RBFOX1: variants seen among roughly 807,000 people sequenced by gnomAD.
The protein encoded by RBFOX1 is RNA binding protein fox-1 homolog 1.
A neutral mutation model predicts 57.7 loss-of-function variants in RBFOX1; 8 were observed. That is an observed-to-expected ratio of 0.14 (90% CI 0.08 to 0.25). The LOEUF is 0.25. RBFOX1 is among the 10% of genes least tolerant of loss of function. RBFOX1 has a pLI of 1.00. For missense variants in RBFOX1, 611 were observed against 548.5 expected, an observed-to-expected ratio of 1.11 and a Z score of -1.14; for synonymous variants, 326 against 222.4, an observed-to-expected ratio of 1.47 and a Z score of -4.15.
At chr16:6,739,504 C>T (rs76458299) in intron 3 of RBFOX1, among the ~76,000 whole-genome samples, 1,912 of 137,052 alleles carry the variant, frequency 0.014, 56 homozygotes, top group African/African-American at 0.048. Context: ...AGGGAATCTC[C>T]GGTCTAAATG....
chr16:5,489,845 C>T (rs1181263461), intron 2 of RBFOX1, among the ~76,000 whole-genome samples: 1 of 152,180 alleles, frequency 6.6e-6, no homozygotes, highest in Non-Finnish European at 1.5e-5. Flanking sequence ...TCTGAACTCC[C>T]AAGCTGTCTT....
chr16:6,507,242 C>T (rs2096124360), intron 2 of RBFOX1, among the ~76,000 whole-genome samples: 3 of 152,186 alleles, frequency 2.0e-5, no homozygotes, highest in Non-Finnish European at 4.4e-5. Context: ...GACAAAATTA[C>T]TTAAAACATA....
At chr16:6,599,714 C>T (rs1419816127) in intron 2 of RBFOX1, among the ~76,000 whole-genome samples, 1 of 152,208 alleles carries the variant, frequency 6.6e-6, no homozygotes, top group African/African-American at 2.4e-5. Flanking sequence ...CTCCACTACT[C>T]TGTTTCCCAT....
At chr16:7,332,246 T>C (rs1174884945) in intron 4 of RBFOX1, among the ~76,000 whole-genome samples, 2 of 152,214 alleles carry the variant, frequency 1.3e-5, no homozygotes, top group African/African-American at 2.4e-5. Flanking sequence ...CCATTTGTTA[T>C]ATGGGACTGA....
intron 4 of RBFOX1, among the ~76,000 whole-genome samples, chr16:5,906,463 A>G (rs1478203303): frequency 6.6e-6 from 1 of 152,184 alleles, no homozygotes; most frequent in Non-Finnish European, 1.5e-5. Context: ...CAGTCCTCAG[A>G]AGGAACCAAA....
chr16:6,891,080 G>C (rs984041314), intron 3 of RBFOX1, among the ~76,000 whole-genome samples: 4 of 152,120 alleles, frequency 2.6e-5, no homozygotes, highest in Admixed American at 2.0e-4. Context: ...ATTGTTTGTT[G>C]ACACCAGGCG....
intron 4 of RBFOX1, among the ~76,000 whole-genome samples, chr16:7,434,760 G>A (rs1365661787): frequency 2.0e-5 from 3 of 149,378 alleles, no homozygotes; most frequent in African/African-American, 7.4e-5. Context: ...TCTTTCCTGA[G>A]ATTGAGCCTC....
chr16:6,918,279 C>G (rs921287692), intron 3 of RBFOX1, among the ~76,000 whole-genome samples: 3 of 117,338 alleles, frequency 2.6e-5, no homozygotes, highest in Non-Finnish European at 5.4e-5. Context: ...AAGACTCCAT[C>G]TCAAAAAAAA....
chr16:6,998,091 C>T (rs2092423301), intron 3 of RBFOX1, among the ~76,000 whole-genome samples: 1 of 151,840 alleles, frequency 6.6e-6, no homozygotes, highest in African/African-American at 2.4e-5. Context: ...AATATATGTA[C>T]ATTATATTTA....
chr16:5,341,411 G>T (rs11859990), intron 1 of RBFOX1, among the ~76,000 whole-genome samples: 9,214 of 152,246 alleles, frequency 0.061, 915 homozygotes, highest in African/African-American at 0.21. Flanking sequence ...GAGATCATGG[G>T]GGGTAGAATG....
At chr16:5,857,066 G>A (rs1202715350) in intron 3 of RBFOX1, among the ~76,000 whole-genome samples, 1 of 152,152 alleles carries the variant, frequency 6.6e-6, no homozygotes, top group African/African-American at 2.4e-5. Flanking sequence ...GATTCAAGGT[G>A]AGAAACATGT....
chr16:6,911,258 C>T (rs571410294), intron 3 of RBFOX1, among the ~76,000 whole-genome samples: 9 of 151,364 alleles, frequency 5.9e-5, no homozygotes, highest in East Asian at 1.9e-4. Flanking sequence ...GCGTTAGTTT[C>T]CCAGGACTGC....
intron 1 of RBFOX1, among the ~76,000 whole-genome samples, chr16:6,114,131 A>G (rs1384729199): frequency 2.0e-5 from 3 of 152,194 alleles, no homozygotes; most frequent in Admixed American, 1.3e-4. Flanking sequence ...TCACAAAGAA[A>G]AAAGTTTTGT....
intron 4 of RBFOX1, among the ~76,000 whole-genome samples, chr16:5,930,987 T>C (rs909309891): frequency 1.3e-5 from 2 of 151,128 alleles, no homozygotes; most frequent in African/African-American, 4.9e-5. Context: ...GATGGATGCA[T>C]GGATGGGTAG....
rs144680402 is a variant in RBFOX1 at position 7,207,890 on chromosome 16, G to A, written c.27+155792G>A. Among the ~76,000 whole-genome samples the A allele has an allele frequency of 1.8e-3, 281 of 152,302 alleles. 1 individual carries two copies. Among genetic ancestry groups the A allele is most frequent in the African/African-American group, 6.3e-3 (263 of 41,560 alleles). On this transcript the variant is annotated intron_variant, in intron 4 of 15. Transcript: ENST00000550418. ...GCTAAGGAGAAGATAAATGGTGACA[G>A]TGAGAGTTGAACTCCACAGGGTGCA...
intron 3 of RBFOX1, among the ~76,000 whole-genome samples, chr16:6,790,123 G>C (rs1300480444): frequency 6.8e-6 from 1 of 146,740 alleles, no homozygotes; most frequent in Non-Finnish European, 1.5e-5. Context: ...ATTTTCTTCT[G>C]GTTCTGATTT....
At chr16:7,596,514 C>T (rs1294186907) in intron 8 of RBFOX1, among the ~76,000 whole-genome samples, 1 of 152,122 alleles carries the variant, frequency 6.6e-6, no homozygotes, top group South Asian at 2.1e-4. Context: ...CCCATGCTGG[C>T]GATGGTGGTG....
At chr16:6,912,015 C>T (rs1399606956) in intron 3 of RBFOX1, among the ~76,000 whole-genome samples, 4 of 152,188 alleles carry the variant, frequency 2.6e-5, no homozygotes, top group Admixed American at 2.6e-4. Flanking sequence ...AAGATGCATT[C>T]TTCAAAGATT....
In RBFOX1 at chr16:6,479,535, C is replaced by T. The variant is rs141912317; in HGVS notation, c.-64+162478C>T. 4.3e-3 allele frequency among the ~76,000 whole-genome samples: 653 copies of T among 152,044 alleles called. 4 individuals carry two copies. The highest frequency in any genetic ancestry group is 0.015 in the African/African-American group (617 of 41,460). On this transcript the variant is annotated intron_variant, in intron 2 of 15. Transcript: ENST00000550418. ...TCTGGGAAGCAGAAGTTGCAGTGAG[C>T]TGAGATCATGCCACTGTACTCTACC...
Sources: gnomAD v4.1 joint callset for allele counts (sites outside exome capture counted in the v4.1 genomes callset) on GRCh38, gnomAD v4.1.1 for gene constraint, MANE v1.5 for transcripts, NCBI Gene and HGNC (gene_info 2026-07-23, HGNC 2026-07-21) for gene names.